Variants in CNTN4 observed in about 807,000 individuals in gnomAD.
The protein encoded by CNTN4 is contactin-4.
Under a neutral mutation model 122.5 loss-of-function variants are expected in CNTN4, and 77 were observed. That is an observed-to-expected ratio of 0.63 (90% CI 0.52 to 0.76). The LOEUF (loss-of-function observed/expected upper bound fraction) is 0.76, where lower values mean the gene tolerates loss of function less well. Ranked by LOEUF, CNTN4 falls within the 30% of genes least tolerant of loss-of-function variation. The pLI, the probability that CNTN4 is intolerant of heterozygous loss-of-function variation, is 0.00. For missense variants in CNTN4, 1,256 were observed against 1,259.1 expected, an observed-to-expected ratio of 1.00 and a Z score of 0.04; for synonymous variants, 512 against 447.0, an observed-to-expected ratio of 1.15 and a Z score of -1.83.
chr3:2,335,018 C>A (rs1489090868), intron 2 of CNTN4, among the ~76,000 whole-genome samples: 1 of 152,240 alleles, frequency 6.6e-6, no homozygotes, highest in East Asian at 1.9e-4. Context: ...CTGCATCTAA[C>A]TATTTGCTAT....
chr3:2,192,546 G>A (rs113499599), intron 2 of CNTN4, among the ~76,000 whole-genome samples: 2,383 of 152,208 alleles, frequency 0.016, 63 homozygotes, highest in African/African-American at 0.055. Context: ...ATCTGACAAA[G>A]GGCTAATATT....
intron 2 of CNTN4, among the ~76,000 whole-genome samples, chr3:2,194,759 T>C (rs1340418610): frequency 1.3e-5 from 2 of 152,178 alleles, no homozygotes; most frequent in Non-Finnish European, 2.9e-5. Context: ...ATTGGAGTTA[T>C]GGAGCTGCAA....
chr3:2,677,919 A>G (rs1169995934), intron 4 of CNTN4, among the ~76,000 whole-genome samples: 1 of 152,210 alleles, frequency 6.6e-6, no homozygotes, highest in African/African-American at 2.4e-5. Flanking sequence ...AAAGCATTTA[A>G]TCAGTCTGTT....
Position 2,543,695 on chromosome 3 carries a change from GGACA to G in CNTN4, c.-88-27716_-88-27713del, listed in dbSNP as rs546961139. Among the ~76,000 whole-genome samples the G allele has an allele frequency of 3.4e-3, 521 of 152,096 alleles. 4 individuals carry two copies. The highest frequency in any genetic ancestry group is 0.012 in the African/African-American group (492 of 41,508). ...ATTTAGACGTTGCAGAGAGTTCATG[GGACA>G]GACAAAGAAAACCCTTTGCTGTGTT... On this transcript the variant is annotated intron_variant, in intron 3 of 24. Coordinates refer to ENST00000418658, the MANE Select transcript of CNTN4 (RefSeq NM_175607.3).
Position 2,503,564 on chromosome 3 carries a change from A to T in CNTN4, c.-88-67852A>T, listed in dbSNP as rs1122281. Among the ~76,000 whole-genome samples, 113 of 152,268 alleles carry T rather than the reference A, an allele frequency of 7.4e-4. 1 individual carries two copies. In the East Asian group the frequency reaches 0.02, roughly 28 times the overall value. ...ATCCCCATTTTACAGAAAGTTGGGCATAGAGAAGTTAAGTAACTTGTTCAG... is the reference window on the plus strand; with the variant it reads ...ATCCCCATTTTACAGAAAGTTGGGCTTAGAGAAGTTAAGTAACTTGTTCAG... On this transcript the variant is annotated intron_variant, in intron 3 of 24. Transcript: ENST00000418658.
At chr3:2,180,245 T>G (rs1337765039) in intron 2 of CNTN4, among the ~76,000 whole-genome samples, 1 of 152,032 alleles carries the variant, frequency 6.6e-6, no homozygotes, top group Non-Finnish European at 1.5e-5. Flanking sequence ...GGGATGGAAC[T>G]AACATTAAGG....
chr3:2,753,110 G>C (rs951853517), intron 6 of CNTN4, among the ~76,000 whole-genome samples: 1 of 152,026 alleles, frequency 6.6e-6, no homozygotes, highest in African/African-American at 2.4e-5. Flanking sequence ...TTGATATATT[G>C]ATTTCCTTTC....
At position 2,248,478 on chromosome 3, in the gene CNTN4, G is replaced by T. The variant is rs535876384; in HGVS notation, c.-144-90700G>T. ...TGGCTACTCTATACCACTGCATTGT[G>T]TGAGCCTGTGCAGACACTGGTCTGA... On this transcript the variant is annotated intron_variant, in intron 2 of 24. Transcript: ENST00000418658. Among the ~76,000 whole-genome samples, 3 of 152,066 alleles carry T rather than the reference G, an allele frequency of 2.0e-5. No homozygotes were observed. The South Asian group carries it at 6.2e-4, about 32-fold the overall frequency.
intron 20 of CNTN4, among the ~76,000 whole-genome samples, chr3:3,040,824 G>T (rs976263206): frequency 6.6e-6 from 1 of 152,068 alleles, no homozygotes; most frequent in Non-Finnish European, 1.5e-5. Flanking sequence ...CTACTCAGGA[G>T]GCTGAGACAG....
intron 3 of CNTN4, among the ~76,000 whole-genome samples, chr3:2,342,395 C>A (rs1441882953): frequency 1.3e-5 from 2 of 152,146 alleles, no homozygotes; most frequent in Admixed American, 6.5e-5. Context: ...AGTACTGATA[C>A]ATGCAACAAC....
intron 2 of CNTN4, among the ~76,000 whole-genome samples, chr3:2,193,622 C>T (rs977974790): frequency 1.3e-5 from 2 of 152,136 alleles, no homozygotes; most frequent in Non-Finnish European, 2.9e-5. Flanking sequence ...GATTAGATAA[C>T]ATTTCTGTAC....
At chr3:2,144,857 A>C (rs2035168874) in intron 2 of CNTN4, among the ~76,000 whole-genome samples, 1 of 152,242 alleles carries the variant, frequency 6.6e-6, no homozygotes. Flanking sequence ...GGATTTCTCA[A>C]CATCGAAGCT....
chr3:2,546,599 G>A (rs1026029689), intron 3 of CNTN4, among the ~76,000 whole-genome samples: 3 of 151,938 alleles, frequency 2.0e-5, no homozygotes, highest in African/African-American at 7.3e-5. Context: ...ATGACACACA[G>A]TTTACCTATG....
chr3:2,356,267 T>C (rs1052628038), intron 3 of CNTN4, among the ~76,000 whole-genome samples: 1 of 152,206 alleles, frequency 6.6e-6, no homozygotes, highest in African/African-American at 2.4e-5. Context: ...GGCTACTCCA[T>C]AGGCAGAGCA....
chr3:2,120,398 T>TAA (rs1559261025), intron 2 of CNTN4, among the ~76,000 whole-genome samples: 71 of 31,986 alleles, frequency 2.2e-3, no homozygotes, highest in Non-Finnish European at 3.8e-3. Context: ...TATATATATA[T>TAA]ATATATATTT....
At chr3:2,137,322 A>G (rs2034741987) in intron 2 of CNTN4, among the ~76,000 whole-genome samples, 1 of 152,206 alleles carries the variant, frequency 6.6e-6, no homozygotes, top group Non-Finnish European at 1.5e-5. Flanking sequence ...GTCTTATTCT[A>G]AATGAACTAA....
intron 2 of CNTN4, among the ~76,000 whole-genome samples, chr3:2,309,561 C>T (rs986515330): frequency 6.6e-6 from 1 of 152,090 alleles, no homozygotes; most frequent in South Asian, 2.1e-4. Context: ...CCATCAACAT[C>T]CCTGCAGTCC....
At chr3:2,755,186 G>C (rs1370221885) in intron 6 of CNTN4, among the ~76,000 whole-genome samples, 1 of 152,108 alleles carries the variant, frequency 6.6e-6, no homozygotes, top group Non-Finnish European at 1.5e-5. Context: ...TGAGTAAAAT[G>C]TGCAGTCGAT....
At chr3:3,022,493 G>C (rs1437985052) in intron 14 of CNTN4, among the ~76,000 whole-genome samples, 1 of 152,156 alleles carries the variant, frequency 6.6e-6, no homozygotes, top group African/African-American at 2.4e-5. Context: ...GACAATAAAA[G>C]CTATAAATCA....
Sources: gnomAD v4.1 joint callset for allele counts (sites outside exome capture counted in the v4.1 genomes callset) on GRCh38, gnomAD v4.1.1 for gene constraint, MANE v1.5 for transcripts, NCBI Gene and HGNC (gene_info 2026-07-23, HGNC 2026-07-21) for gene names.